CBR4: variants seen among roughly 807,000 people sequenced by gnomAD.
CBR4 encodes 3-oxoacyl-[acyl-carrier-protein] reductase.
In CBR4, 22 loss-of-function variants were observed where a neutral mutation model predicts 21.0. The observed-to-expected ratio is 1.05, with a 90% confidence interval of 0.75 to 1.50. The LOEUF is 1.50. Ranked by LOEUF, CBR4 falls within the 40% of genes most tolerant of loss-of-function variation. CBR4 has a pLI of 0.00. For missense variants in CBR4, 302 were observed against 286.3 expected (o/e 1.05, Z -0.40); for synonymous variants, 100 against 104.4 (o/e 0.96, Z 0.26).
At chr4:168,998,903 A>T (rs1031273274) in intron 4 of CBR4, among the ~76,000 whole-genome samples, 1 of 152,136 alleles carries the variant, frequency 6.6e-6, no homozygotes, top group Non-Finnish European at 1.5e-5. Flanking sequence ...AACAGCAACT[A>T]CTTTTAAGTA....
chr4:168,963,746 T>G (rs1228249498), intron 2 of CBR4, among the ~76,000 whole-genome samples: 1 of 152,028 alleles, frequency 6.6e-6, no homozygotes, highest in African/African-American at 2.4e-5. Flanking sequence ...GTGGGAGGCA[T>G]GAGCCACCGC....
intron 2 of CBR4, among the ~76,000 whole-genome samples, chr4:168,977,856 A>G (rs1156303450): frequency 1.3e-5 from 2 of 152,156 alleles, no homozygotes; most frequent in African/African-American, 4.8e-5. Context: ...TGATTTCCTA[A>G]ATCTCATTTG....
chr4:168,919,934 T>C (rs905379616), intron 2 of CBR4, among the ~76,000 whole-genome samples: 7 of 152,178 alleles, frequency 4.6e-5, no homozygotes, highest in African/African-American at 1.7e-4. Flanking sequence ...CATGAGTAAC[T>C]ATCCACTGGG....
At chr4:168,981,742 G>A (rs764913515) in intron 2 of CBR4, among the ~76,000 whole-genome samples, 9 of 152,202 alleles carry the variant, frequency 5.9e-5, no homozygotes, top group African/African-American at 1.2e-4. Context: ...AGCCAGAAGA[G>A]ATTTGGGGCT....
chr4:168,921,689 A>G lies in CBR4; in HGVS notation n.170-26924T>C. 1.9e-6 allele frequency: 3 copies of G among 1,611,654 alleles called. No individual in the cohort carries two copies. Among genetic ancestry groups the G allele is most frequent in the South Asian group, 1.1e-5 (1 of 90,934 alleles). ...GTGATGCCGGCATCTACACATGTAT[A>G]GCTACCAACCGAGCAGGACAGAACT... is the stretch of plus-strand genomic sequence containing the variant. On this transcript the variant is annotated intron_variant and non_coding_transcript_variant, in intron 2 of 3. Coordinates refer to the CBR4 transcript ENST00000509108.
intron 2 of CBR4, among the ~76,000 whole-genome samples, chr4:168,982,323 G>A (rs1764569168): frequency 6.6e-6 from 1 of 151,754 alleles, no homozygotes; most frequent in Non-Finnish European, 1.5e-5. Context: ...GACAAAGAAG[G>A]GCATCACATA....
chr4:168,907,878 A>G (rs1758139461), intron 2 of CBR4, among the ~76,000 whole-genome samples: 1 of 152,178 alleles, frequency 6.6e-6, no homozygotes. Flanking sequence ...GCATCACAGT[A>G]AACAGACCAG....
intron 3 of CBR4, among the ~76,000 whole-genome samples, chr4:169,002,893 T>C (rs1250164258): frequency 6.6e-6 from 1 of 152,064 alleles, no homozygotes; most frequent in Non-Finnish European, 1.5e-5. Flanking sequence ...CATCTTAAAT[T>C]TTTTCATTAT....
intron 2 of CBR4, among the ~76,000 whole-genome samples, chr4:168,928,823 T>G (rs542531290): frequency 3.6e-4 from 55 of 152,188 alleles, no homozygotes; most frequent in Admixed American, 5.2e-4. Flanking sequence ...CTCAGATCCC[T>G]CTCACACTTT....
chr4:169,008,292 A>G (rs552649440), intron 1 of CBR4, among the ~76,000 whole-genome samples: 1 of 152,268 alleles, frequency 6.6e-6, no homozygotes, highest in African/African-American at 2.4e-5. Flanking sequence ...AGGAAGCTAT[A>G]AAAATGCTAA....
intron 2 of CBR4, among the ~76,000 whole-genome samples, chr4:168,907,832 C>T (rs1349259362): frequency 6.6e-6 from 1 of 151,400 alleles, no homozygotes; most frequent in African/African-American, 2.4e-5. Context: ...CTGGGTCTAT[C>T]AAAAGGAGAA....
downstream of CBR4, among the ~76,000 whole-genome samples, chr4:168,986,760 C>T (rs577075109): frequency 2.0e-5 from 3 of 152,050 alleles, no homozygotes; most frequent in African/African-American, 7.2e-5. Context: ...CTGGGTGACA[C>T]AGTGAGACCT....
At chr4:168,923,061 A>G (rs941973438) in intron 2 of CBR4, among the ~76,000 whole-genome samples, 7 of 152,270 alleles carry the variant, frequency 4.6e-5, no homozygotes, top group African/African-American at 1.7e-4. Context: ...GAAGCTCTGC[A>G]TAACTAGTAC....
downstream of CBR4, among the ~76,000 whole-genome samples, chr4:168,985,058 A>G (rs371976666): frequency 6.6e-6 from 1 of 151,816 alleles, no homozygotes. Flanking sequence ...CAAGTGGAAC[A>G]TAATTAAAGA....
At chr4:168,927,780 G>C (rs1762742951) in intron 2 of CBR4, 1 of 219,092 alleles carries the variant, frequency 4.6e-6, no homozygotes, top group East Asian at 6.7e-5. Flanking sequence ...AGACTTGATG[G>C]TTTTAAGTCG....
At position 168,988,319 on chromosome 4, in the gene CBR4, T is replaced by C. The variant is rs1365946174; in HGVS notation, c.*1831A>G. 3 of 984,866 alleles carry C rather than the reference T, an allele frequency of 3.0e-6. No individual in the cohort carries two copies. The African/African-American group carries it at 5.2e-5, about 17-fold the overall frequency. 61.0% of individuals were successfully genotyped at this position (984,866 alleles called of 1,614,324 possible). A position where few individuals can be genotyped will look rare whatever the true frequency, so the allele number is the denominator to read the frequency against. ...AAAGGTTATATTTCTTATTTTAAAG[T>C]ATAAAAACATACACTTAAAGGCTAA... On this transcript the variant is annotated 3_prime_UTR_variant, in exon 5 of 5. Coordinates refer to ENST00000306193, the MANE Select transcript of CBR4 (RefSeq NM_032783.5).
chr4:168,959,661 G>T (rs1178074978), intron 2 of CBR4, among the ~76,000 whole-genome samples: 2 of 149,878 alleles, frequency 1.3e-5, no homozygotes, highest in South Asian at 2.1e-4. Flanking sequence ...CACCTCCAGG[G>T]TTCAAGCAAT....
chr4:168,969,966 C>T (rs903508886), intron 2 of CBR4, among the ~76,000 whole-genome samples: 11 of 152,198 alleles, frequency 7.2e-5, no homozygotes, highest in South Asian at 2.1e-4. Context: ...CAAATGTCAA[C>T]GAAATTTCAT....
At chr4:168,923,930 CTAG>C (rs1762082171) in intron 2 of CBR4, among the ~76,000 whole-genome samples, 1 of 17,408 alleles carries the variant, frequency 5.7e-5, no homozygotes, top group East Asian at 0.25. Context: ...AACATAATCA[CTAG>C]TAGTGAAGCC....
Sources: gnomAD v4.1 joint callset for allele counts (sites outside exome capture counted in the v4.1 genomes callset) on GRCh38, gnomAD v4.1.1 for gene constraint, MANE v1.5 for transcripts, NCBI Gene and HGNC (gene_info 2026-07-23, HGNC 2026-07-21) for gene names.